The following MRPS9 variants were observed in gnomAD, a reference collection of about 807,000 sequenced individuals.
The protein encoded by MRPS9 is small ribosomal subunit protein uS9m.
MRPS9 carries 45 observed loss-of-function variants against 59.9 expected under a neutral mutation model. That is an observed-to-expected ratio of 0.75 (90% CI 0.59 to 0.96). MRPS9 has a LOEUF of 0.96. Among genes scored for constraint, MRPS9 ranks in the 40% least tolerant of loss-of-function variants. MRPS9 has a pLI of 0.00. For synonymous variants in MRPS9, 171 were observed against 166.8 expected (o/e 1.03, Z -0.19); for missense variants, 473 against 481.1 (o/e 0.98, Z 0.16).
chr2:105,073,342 T>C (rs1341971514), intron 4 of MRPS9, among the ~76,000 whole-genome samples: 2 of 152,156 alleles, frequency 1.3e-5, no homozygotes, highest in African/African-American at 2.4e-5. Flanking sequence ...TGCCCATGTG[T>C]TATTTTGAAA....
intron 5 of MRPS9, among the ~76,000 whole-genome samples, chr2:105,087,161 C>T (rs1680464539): frequency 6.6e-6 from 1 of 151,826 alleles, no homozygotes. Context: ...GATATATACC[C>T]CTGTTTTTCT....
intron 2 of MRPS9, among the ~76,000 whole-genome samples, chr2:105,063,067 T>C (rs1441125071): frequency 6.6e-6 from 1 of 152,146 alleles, no homozygotes; most frequent in Non-Finnish European, 1.5e-5. Flanking sequence ...AAAGAGAAAA[T>C]AGAAATTTAG....
chr2:105,058,722 CAACAGATCG>C (rs1558753550), intron 2 of MRPS9, among the ~76,000 whole-genome samples: 1 of 149,952 alleles, frequency 6.7e-6, no homozygotes, highest in Non-Finnish European at 1.5e-5. Flanking sequence ...GTTGCCCAGG[CAACAGATCG>C]TGCAGTGGCA....
At chr2:105,085,308 G>A (rs544853462) in intron 5 of MRPS9, among the ~76,000 whole-genome samples, 1 of 152,228 alleles carries the variant, frequency 6.6e-6, no homozygotes, top group Non-Finnish European at 1.5e-5. Flanking sequence ...AAAAATTGAG[G>A]AGAGAATTTA....
chr2:105,044,622 T>C (rs1311059654), intron 1 of MRPS9, among the ~76,000 whole-genome samples: 1 of 152,192 alleles, frequency 6.6e-6, no homozygotes, highest in East Asian at 1.9e-4. Context: ...TTTATAAATA[T>C]GTTTAAACCT....
chr2:105,090,678 A>T (rs1453452502), intron 7 of MRPS9, among the ~76,000 whole-genome samples: 3 of 152,200 alleles, frequency 2.0e-5, no homozygotes, highest in Admixed American at 2.0e-4. Flanking sequence ...ATATATCAAC[A>T]TTTTCACAGG....
intron 5 of MRPS9, among the ~76,000 whole-genome samples, chr2:105,087,146 A>ATG (rs1680464352): frequency 1.3e-5 from 2 of 152,288 alleles, no homozygotes; most frequent in East Asian, 3.9e-4. Context: ...GGATATATAT[A>ATG]TGTGGATATA....
chr2:105,053,983 C>A (rs1404565104), intron 2 of MRPS9, among the ~76,000 whole-genome samples: 1 of 152,078 alleles, frequency 6.6e-6, no homozygotes, highest in African/African-American at 2.4e-5. Context: ...AAATGCAGAA[C>A]ATACAGAAAG....
rs192970622 is a variant in MRPS9 at position 105,054,132 on chromosome 2, C to G, written c.315+4782C>G. 3.3e-3 allele frequency among the ~76,000 whole-genome samples: 497 copies of G among 152,254 alleles called. 3 individuals are homozygous for G. The highest frequency in any genetic ancestry group is 0.011 in the African/African-American group (470 of 41,558). ...TAGTGTCGTTGAGCAAGTCAGGGCT[C>G]TCTGTCACTTGATTTTCTTATCTCT... On this transcript the variant is annotated intron_variant, in intron 2 of 10. Coordinates refer to ENST00000258455, the MANE Select transcript of MRPS9 (RefSeq NM_182640.3).
chr2:105,050,174 C>G (rs532460774), intron 2 of MRPS9, among the ~76,000 whole-genome samples: 1 of 150,942 alleles, frequency 6.6e-6, no homozygotes, highest in African/African-American at 2.4e-5. Flanking sequence ...GAGTCTTGCT[C>G]TGTTGCCCAG....
intron 7 of MRPS9, chr2:105,091,404 G>T (rs867459333): frequency 6.4e-6 from 3 of 470,924 alleles, no homozygotes; most frequent in Middle Eastern, 6.5e-4. Flanking sequence ...CTGGAGAGGA[G>T]CATGGAGCTC....
At chr2:105,052,439 A>C (rs1679729940) in intron 2 of MRPS9, among the ~76,000 whole-genome samples, 2 of 152,054 alleles carry the variant, frequency 1.3e-5, no homozygotes, top group Admixed American at 1.3e-4. Context: ...ACACAAATTG[A>C]TTTTTGTATG....
At chr2:105,071,563 T>C (rs1479315468) in intron 4 of MRPS9, 74 bp downstream of exon 4, 1 of 1,437,804 alleles carries the variant, frequency 7.0e-7, no homozygotes, top group Non-Finnish European at 9.6e-7. Context: ...TATCAGCGGT[T>C]GCTCACATAT....
intron 4 of MRPS9, among the ~76,000 whole-genome samples, chr2:105,075,670 C>T (rs7603319): frequency 2.0e-5 from 3 of 152,050 alleles, no homozygotes; most frequent in African/African-American, 7.2e-5. Context: ...CCAAGTAAAG[C>T]TTTATATTAA....
intron 2 of MRPS9, among the ~76,000 whole-genome samples, chr2:105,059,368 G>A (rs916048010): frequency 3.9e-5 from 6 of 152,130 alleles, no homozygotes; most frequent in African/African-American, 9.7e-5. Flanking sequence ...CTGTATGGAC[G>A]TGGATGGTGA....
At chr2:105,065,484 A>C (rs955082341) in intron 2 of MRPS9, among the ~76,000 whole-genome samples, 2 of 152,220 alleles carry the variant, frequency 1.3e-5, no homozygotes, top group Admixed American at 1.3e-4. Flanking sequence ...TATTTAGTGA[A>C]TGACTACTAG....
At chr2:105,097,585 G>A (rs1680694084) in intron 10 of MRPS9, among the ~76,000 whole-genome samples, 1 of 152,210 alleles carries the variant, frequency 6.6e-6, no homozygotes. Context: ...TCCAAGGTCA[G>A]GGAAAAGTTA....
chr2:105,076,595 ACT>A (rs1360522339), intron 4 of MRPS9, among the ~76,000 whole-genome samples: 1 of 152,240 alleles, frequency 6.6e-6, no homozygotes, highest in Non-Finnish European at 1.5e-5. Flanking sequence ...TTTGGTCAAG[ACT>A]TTAAAAATTA....
intron 5 of MRPS9, among the ~76,000 whole-genome samples, chr2:105,081,956 G>A (rs146032235): frequency 7.2e-5 from 11 of 152,344 alleles, no homozygotes; most frequent in African/African-American, 2.6e-4. Context: ...GAGATACTGA[G>A]ACTTTGAAAT....
Sources: gnomAD v4.1 joint callset for allele counts (sites outside exome capture counted in the v4.1 genomes callset) on GRCh38, gnomAD v4.1.1 for gene constraint, MANE v1.5 for transcripts, NCBI Gene and HGNC (gene_info 2026-07-23, HGNC 2026-07-21) for gene names.